The following FBLN1 variants were observed in gnomAD, a reference collection of about 807,000 sequenced individuals.
FBLN1 encodes the protein fibulin-1.
In FBLN1, 34 loss-of-function variants were observed where a neutral mutation model predicts 89.7. The observed-to-expected ratio is 0.38, with a 90% CI of 0.29 to 0.50. The LOEUF (loss-of-function observed/expected upper bound fraction) is 0.50, where lower values mean the gene tolerates loss of function less well. FBLN1 is among the 20% of genes least tolerant of loss of function. FBLN1 has a pLI of 0.92. For synonymous variants in FBLN1, 393 were observed against 391.3 expected (o/e 1.00, Z -0.05); for missense variants, 777 against 988.1 (o/e 0.79, Z 2.86).
chr22:45,555,248 C>CATATATAT (rs71779159), intron 14 of FBLN1, among the ~76,000 whole-genome samples: 30 of 135,098 alleles, frequency 2.2e-4, no homozygotes, highest in African/African-American at 8.9e-4. Context: ...ATGGAATATA[C>CATATATAT]ATATATATAT....
Position 45,590,594 on chromosome 22 carries a change from G to T in FBLN1, c.1973-9713G>T, listed in dbSNP as rs1214720303. On this transcript the variant is annotated intron_variant, in intron 16 of 16. Transcript: ENST00000327858. The surrounding 1 kb of genome is among the most constrained non-coding windows in gnomAD (Gnocchi z 4.1). Reference sequence around the variant, plus strand: ...CACAGTGGGAAGAGGCATGGGAGGGGTGAAAAGGAAGGTGGTACACGTGTT... The same window carrying T: ...CACAGTGGGAAGAGGCATGGGAGGGTTGAAAAGGAAGGTGGTACACGTGTT... 6.6e-6 allele frequency among the ~76,000 whole-genome samples: 1 copy of T among 152,226 alleles called. No individual in the cohort carries two copies. The highest frequency in any genetic ancestry group is 1.5e-5 in the Non-Finnish European group (1 of 68,044).
chr22:45,541,466 G>A, intron 9 of FBLN1, 94 bp downstream of exon 9: 2 of 1,504,862 alleles, frequency 1.3e-6, no homozygotes, highest in East Asian at 4.6e-5. Context: ...GATCCCCAAA[G>A]CAAAGCCATT....
rs2089020696 is a variant in FBLN1, at chr22:45,578,917, C to A, written c.1972+1809C>A. Among the ~76,000 whole-genome samples the A allele has an allele frequency of 6.6e-6, 1 of 152,236 alleles. No individual in the cohort carries two copies. On this transcript the variant is annotated intron_variant, in intron 16 of 16. Coordinates refer to ENST00000327858, the MANE Select transcript of FBLN1 (RefSeq NM_006486.3). The surrounding 1 kb of genome is among the most constrained non-coding windows in gnomAD (Gnocchi z 4.6). ...AGAGATGGATAAATGCCACATAGCC[C>A]CTGAGGACTTTGCATCTCAGCAGCA...
rs1320735086 is a variant in FBLN1 at position 45,597,652 on chromosome 22, C to G, written c.1973-2655C>G. 2.6e-4 allele frequency among the ~76,000 whole-genome samples: 40 copies of G among 152,152 alleles called. 2 individuals carry two copies. Among genetic ancestry groups the G allele is most frequent in the Admixed American group, 2.6e-3 (40 of 15,270 alleles). ...CCGTCATCAGGTTCTGCTGGCGAGCCCAGGGTGGTGACAGGCGCACGTCTT... is the reference window on the plus strand; with the variant it reads ...CCGTCATCAGGTTCTGCTGGCGAGCGCAGGGTGGTGACAGGCGCACGTCTT... On this transcript the variant is annotated intron_variant, in intron 16 of 16. Coordinates refer to ENST00000327858, the MANE Select transcript of FBLN1 (RefSeq NM_006486.3). This position sits in a 1 kb window ranked among gnomAD's most constrained non-coding sequence, Gnocchi z 4.2.
chr22:45,519,219 G>C (rs935591420), intron 2 of FBLN1, among the ~76,000 whole-genome samples: 2 of 152,158 alleles, frequency 1.3e-5, no homozygotes, highest in Non-Finnish European at 2.9e-5. Context: ...TCCACCAGCC[G>C]GTTTTTCAGC....
intron 14 of FBLN1, among the ~76,000 whole-genome samples, chr22:45,564,667 C>T (rs922616521): frequency 6.6e-5 from 10 of 152,210 alleles, no homozygotes; most frequent in Non-Finnish European, 8.8e-5. Context: ...CCTGTTGACT[C>T]GCGTTTCACA....
chr22:45,526,339 G>T (rs2088327657), intron 3 of FBLN1, among the ~76,000 whole-genome samples: 1 of 152,198 alleles, frequency 6.6e-6, no homozygotes, highest in Admixed American at 6.5e-5. Context: ...TGGAAGGGCT[G>T]TGTCTTTGCA....
chr22:45,521,114 C>G (rs1459110799), intron 2 of FBLN1, among the ~76,000 whole-genome samples: 1 of 152,166 alleles, frequency 6.6e-6, no homozygotes, highest in Admixed American at 6.5e-5. Context: ...CTGCGCCCGG[C>G]CAATTTTGGG....
chr22:45,517,703 G>A (rs200112214), intron 1 of FBLN1: 2 of 456,786 alleles, frequency 4.4e-6, no homozygotes, highest in Non-Finnish European at 9.1e-6. Context: ...CTTGTGGTAA[G>A]TCAAGGGCAG....
intron 6 of FBLN1, 55 bp downstream of exon 6, chr22:45,533,219 C>G: frequency 6.6e-7 from 1 of 1,511,480 alleles, no homozygotes; most frequent in Non-Finnish European, 9.2e-7. Flanking sequence ...TGCTTGGGAG[C>G]TCTGTGCTGG....
In FBLN1 at chr22:45,576,409, G is replaced by A. The variant is rs910957437; in HGVS notation, c.1841-568G>A. On this transcript the variant is annotated intron_variant, in intron 15 of 16. Coordinates refer to ENST00000327858, the MANE Select transcript of FBLN1 (RefSeq NM_006486.3). The surrounding 1 kb of genome is among the most constrained non-coding windows in gnomAD (Gnocchi z 5.2). ...AAAGGACCTTTAGTGGGTCTCCGCC[G>A]GCTTCCTTCCTCACCTTACAGGTGA... 2.6e-5 allele frequency among the ~76,000 whole-genome samples: 4 copies of A among 152,030 alleles called. No individual in the cohort carries two copies. The highest frequency in any genetic ancestry group is 2.1e-4 in the South Asian group (1 of 4,806).
intron 1 of FBLN1, among the ~76,000 whole-genome samples, chr22:45,507,965 C>A (rs1602157082): frequency 6.6e-6 from 1 of 152,196 alleles, no homozygotes; most frequent in South Asian, 2.1e-4. Context: ...CTGAGAGTCA[C>A]TGATGCGTGT....
chr22:45,593,820 C>A (rs549943326), intron 16 of FBLN1, among the ~76,000 whole-genome samples: 26 of 152,302 alleles, frequency 1.7e-4, no homozygotes, highest in African/African-American at 6.0e-4. Flanking sequence ...ACTCTCTTTT[C>A]TTCTTCTTCT....
intron 2 of FBLN1, among the ~76,000 whole-genome samples, chr22:45,519,612 G>A (rs145930709): frequency 1.4e-3 from 159 of 115,918 alleles, no homozygotes; most frequent in African/African-American, 4.8e-3. Context: ...CAACAACAGC[G>A]AAACTCTAAC....
intron 1 of FBLN1, 127 bp from the exon 2 acceptor site, chr22:45,518,555 G>A (rs958102959): frequency 1.4e-6 from 1 of 739,958 alleles, no homozygotes; most frequent in Middle Eastern, 3.1e-4. Flanking sequence ...AGTGACTAAG[G>A]GATGTGCCCC....
chr22:45,547,004 T>C, intron 11 of FBLN1, 81 bp from the exon 12 acceptor site: 1 of 1,605,144 alleles, frequency 6.2e-7, no homozygotes, highest in Non-Finnish European at 8.5e-7. Context: ...AGAGGAGATT[T>C]TCTGTTCACT....
chr22:45,550,961 C>T lies in FBLN1; in HGVS notation c.1697+346C>T. On this transcript the variant is annotated intron_variant, in intron 14 of 16. Coordinates refer to ENST00000327858, the MANE Select transcript of FBLN1 (RefSeq NM_006486.3). The surrounding 1 kb of genome is among the most constrained non-coding windows in gnomAD (Gnocchi z 8.4). ...TTCCTCATCTGTAACATGCAGATGT[C>T]AGAACGTGCTCTGACTGAGATGCAT... 1 of 394,566 alleles carries T rather than the reference C, an allele frequency of 2.5e-6. No individual in the cohort carries two copies. Among genetic ancestry groups the T allele is most frequent in the South Asian group, 2.2e-5 (1 of 45,452 alleles). 24.4% of individuals were successfully genotyped at this position (394,566 alleles called of 1,614,324 possible).
At chr22:45,570,319 C>CAAAAAAAAAAAAAAAAAAA (rs761469854) in intron 14 of FBLN1, among the ~76,000 whole-genome samples, 4 of 36,444 alleles carry the variant, frequency 1.1e-4, no homozygotes, top group Non-Finnish European at 1.3e-4. Context: ...GACTCTGTCT[C>CAAAAAAAAAAAAAAAAAAA]AAAAAAAAAA....
At position 45,503,037 on chromosome 22, in the gene FBLN1, G is replaced by A; in HGVS notation, c.52G>A (p.Gly18Ser). 8.0e-7 allele frequency: 1 copy of A among 1,253,396 alleles called. No individual in the cohort carries two copies. Among genetic ancestry groups the A allele is most frequent in the Non-Finnish European group, 1.0e-6 (1 of 999,972 alleles). The allele number at this position is 1,253,396 out of a possible 1,614,324, so 77.6% of individuals were successfully genotyped here. ...GGTCCCGCTTCCGCTGCTGCTGCTC[G>A]GCGGCCTTGCGCTGCTGGCGGCCGG... ...RRVPLPLLLL[G>S]GLALLAAGVD... Residue 18 changes from glycine to serine, a missense_variant, in exon 1 of 17, where the codon GGC becomes AGC. Transcript: ENST00000327858.
Sources: allele counts gnomAD v4.1 joint callset (sites outside exome capture counted in the v4.1 genomes callset), GRCh38; gene constraint gnomAD v4.1.1; non-coding constraint Gnocchi (gnomAD v3.1); transcripts MANE v1.5; gene names NCBI Gene and HGNC (gene_info 2026-07-23, HGNC 2026-07-21).